FAM78B: variants seen among roughly 807,000 people sequenced by gnomAD.
The protein encoded by FAM78B is protein FAM78B.
Under a neutral mutation model 20.0 loss-of-function variants are expected in FAM78B, and 10 were observed. The observed-to-expected ratio is 0.50, with a 90% CI of 0.31 to 0.85. The LOEUF (loss-of-function observed/expected upper bound fraction) is 0.85. FAM78B is among the 40% of genes least tolerant of loss of function. FAM78B has a pLI of 0.05. For missense variants in FAM78B, 283 were observed against 345.0 expected (o/e 0.82, Z 1.42); for synonymous variants, 135 against 132.8 (o/e 1.02, Z -0.12).
In FAM78B at chr1:166,091,675, C is replaced by T. The variant is rs145180097; in HGVS notation, c.264-20912G>A. ...CTGGTCCTGCCACCTGACATTGCCA[C>T]GGAGATCCTCCATAAGGATTTGGAG... On this transcript the variant is annotated intron_variant, in intron 1 of 1. Transcript: ENST00000354422. Among the ~76,000 whole-genome samples the T allele has an allele frequency of 3.5e-3, 535 of 152,322 alleles. 4 individuals carry two copies. Among genetic ancestry groups the T allele is most frequent in the African/African-American group, 0.012 (506 of 41,574 alleles).
At chr1:166,085,151 TCATGGACTGTTTTAGCATCC>T (rs1189659913) in intron 1 of FAM78B, among the ~76,000 whole-genome samples, 1 of 152,206 alleles carries the variant, frequency 6.6e-6, no homozygotes, top group Non-Finnish European at 1.5e-5. Flanking sequence ...CATCCTCATC[TCATGGACTGTTTTAGCATCC>T]CATGGACTGT....
At chr1:166,070,789 G>C in intron 1 of FAM78B, 26 bp from the exon 2 acceptor site, 1 of 1,515,208 alleles carries the variant, frequency 6.6e-7, no homozygotes, top group Non-Finnish European at 8.8e-7. Flanking sequence ...ACATGCACAA[G>C]AAAAGAAGAG....
At position 166,070,825 on chromosome 1, in the gene FAM78B, A is replaced by T. The variant is rs41269664; in HGVS notation, c.264-62T>A. 3.5e-3 allele frequency: 5,268 copies of T among 1,493,368 alleles called. 47 individuals carry two copies. Among genetic ancestry groups the T allele is most frequent in the East Asian group, 0.025 (1,103 of 43,762 alleles). The allele number at this position is 1,493,368 out of a possible 1,614,324, so 92.5% of individuals were successfully genotyped here. ...GCTGAATGAATTTTTCAAAAGCTGG[A>T]GAGGTGCTCACTGCTTACTAACATA... is the stretch of plus-strand genomic sequence containing the variant. On this transcript the variant is annotated intron_variant, in intron 1 of 1. Transcript: ENST00000354422.
At chr1:166,084,233 ACACACTCTCTCTCT>A (rs1181640687) in intron 1 of FAM78B, among the ~76,000 whole-genome samples, 6 of 123,556 alleles carry the variant, frequency 4.9e-5, no homozygotes, top group African/African-American at 1.7e-4. Flanking sequence ...ACACACACAC[ACACACTCTCTCTCT>A]CTCTCTCTCT....
intron 1 of FAM78B, among the ~76,000 whole-genome samples, chr1:166,156,314 T>G (rs753715198): frequency 3.9e-5 from 6 of 152,266 alleles, no homozygotes; most frequent in Non-Finnish European, 7.3e-5. Flanking sequence ...TCTCTTGTCT[T>G]CAGACATCAT....
intron 1 of FAM78B, among the ~76,000 whole-genome samples, chr1:166,150,714 C>A (rs1384042082): frequency 6.6e-6 from 1 of 152,018 alleles, no homozygotes; most frequent in Non-Finnish European, 1.5e-5. Context: ...TAAAAATTAC[C>A]AAGAATATAG....
chr1:166,123,840 A>C (rs766572794), intron 1 of FAM78B, among the ~76,000 whole-genome samples: 7 of 152,198 alleles, frequency 4.6e-5, no homozygotes, highest in Non-Finnish European at 7.4e-5. Context: ...CCCCAGCTCC[A>C]GCAAAAATCC....
At chr1:166,058,797 T>G (rs1414833391) in exon 3 of FAM78B, 2 of 152,344 alleles carry the variant, frequency 1.3e-5, no homozygotes, top group Non-Finnish European at 2.9e-5. Flanking sequence ...TACCCAGCAG[T>G]GGAGATCTTG....
intron 1 of FAM78B, among the ~76,000 whole-genome samples, chr1:166,124,628 T>C (rs1300974150): frequency 2.0e-5 from 3 of 152,144 alleles, no homozygotes; most frequent in African/African-American, 7.2e-5. Context: ...TTAGAAATAA[T>C]TTAACAGGCT....
At chr1:166,110,883 A>G (rs1654027557) in intron 1 of FAM78B, among the ~76,000 whole-genome samples, 3 of 152,230 alleles carry the variant, frequency 2.0e-5, no homozygotes, top group Admixed American at 2.0e-4. Flanking sequence ...GTGTGAGCAT[A>G]TATTGGCACT....
At chr1:166,157,995 G>A (rs1655983373) in intron 1 of FAM78B, among the ~76,000 whole-genome samples, 1 of 152,180 alleles carries the variant, frequency 6.6e-6, no homozygotes, top group South Asian at 2.1e-4. Flanking sequence ...CATTCTCAAG[G>A]GGAATGCAAG....
At chr1:166,095,422 A>G (rs905000872) in intron 1 of FAM78B, among the ~76,000 whole-genome samples, 1 of 152,164 alleles carries the variant, frequency 6.6e-6, no homozygotes, top group Non-Finnish European at 1.5e-5. Context: ...TGGGCCAGGA[A>G]CCAGGACAGG....
chr1:166,145,615 A>G (rs183076295), intron 1 of FAM78B, among the ~76,000 whole-genome samples: 1 of 152,348 alleles, frequency 6.6e-6, no homozygotes, highest in African/African-American at 2.4e-5. Context: ...ACAGGCCACA[A>G]TGCATTATCT....
intron 1 of FAM78B, among the ~76,000 whole-genome samples, chr1:166,163,063 G>A (rs576816746): frequency 6.6e-6 from 1 of 152,318 alleles, no homozygotes; most frequent in East Asian, 1.9e-4. Context: ...AGTGAAAACT[G>A]CCTGCATATT....
intron 1 of FAM78B, among the ~76,000 whole-genome samples, chr1:166,110,422 C>T (rs1413192337): frequency 3.3e-5 from 5 of 152,102 alleles, no homozygotes; most frequent in African/African-American, 1.2e-4. Flanking sequence ...GCTTTCACTT[C>T]TGCTGTTTTG....
At chr1:166,063,080 C>A (rs955256959) in intron 2 of FAM78B, among the ~76,000 whole-genome samples, 2 of 152,234 alleles carry the variant, frequency 1.3e-5, no homozygotes, top group Admixed American at 1.3e-4. Flanking sequence ...TCCTTACAGG[C>A]ACACTGGCTG....
intron 1 of FAM78B, among the ~76,000 whole-genome samples, chr1:166,110,801 T>C (rs1002022365): frequency 6.6e-6 from 1 of 152,102 alleles, no homozygotes; most frequent in Non-Finnish European, 1.5e-5. Flanking sequence ...TATTTAGACT[T>C]GTGAGGAGTG....
intron 1 of FAM78B, among the ~76,000 whole-genome samples, chr1:166,116,049 C>G (rs1352739212): frequency 6.6e-6 from 1 of 152,192 alleles, no homozygotes; most frequent in East Asian, 1.9e-4. Flanking sequence ...AGTGCATAGG[C>G]CCCTAGCACC....
rs1474504328 is a variant in FAM78B at position 166,061,284 on chromosome 1, T to C, written c.*410-621A>G. Among the ~76,000 whole-genome samples, 6 of 152,324 alleles carry C rather than the reference T, an allele frequency of 3.9e-5. No homozygotes were observed. In the East Asian group the frequency reaches 1.2e-3, roughly 29 times the overall value. On this transcript the variant is annotated intron_variant and NMD_transcript_variant, in intron 2 of 2. Transcript: ENST00000435676. ...TTAGAAAAAAGCAGTCTTGAACATA[T>C]GAAGATAGTTGCTCTAGGGTAAAGC...
Sources: gnomAD v4.1 joint callset for allele counts (sites outside exome capture counted in the v4.1 genomes callset) on GRCh38, gnomAD v4.1.1 for gene constraint, MANE v1.5 for transcripts, NCBI Gene and HGNC (gene_info 2026-07-23, HGNC 2026-07-21) for gene names.